Variants in NCOA6 observed in about 807,000 individuals in gnomAD.
The protein encoded by NCOA6 is nuclear receptor coactivator 6, also known as NRC RAP250.
Under a neutral mutation model 171.4 loss-of-function variants are expected in NCOA6, and 49 were observed. The ratio of observed to expected loss-of-function variants is 0.29; its 90% confidence interval spans 0.23 to 0.36. NCOA6 has a LOEUF of 0.36. Among genes scored for constraint, NCOA6 ranks in the 10% least tolerant of loss-of-function variants. The pLI, the probability that NCOA6 is intolerant of heterozygous loss-of-function variation, is 1.00. For synonymous variants in NCOA6, 910 were observed against 927.5 expected (o/e 0.98, Z 0.34); for missense variants, 2,248 against 2,554.5 (o/e 0.88, Z 2.59).
rs74850388 is a variant in NCOA6, at chr20:34,816,041, C to T, written c.-164+9431G>A. Among the ~76,000 whole-genome samples the T allele has an allele frequency of 4.1e-3, 626 of 152,274 alleles. 2 individuals are homozygous for T. The highest frequency in any genetic ancestry group is 0.014 in the African/African-American group (598 of 41,538). ...CATCCAGGGCCCCAAGAAAGTACGT[C>T]GGCTTCACTTCTCCACAACTCCTCA... On this transcript the variant is annotated intron_variant, in intron 1 of 14. Transcript: ENST00000359003.
chr20:34,732,622 T>C (rs144208866), intron 12 of NCOA6, 27 bp from the exon 13 acceptor site: 2 of 1,605,626 alleles, frequency 1.2e-6, no homozygotes, highest in African/African-American at 1.3e-5. Flanking sequence ...AGGATAGAAA[T>C]GAAATGTGGG....
intron 14 of NCOA6, among the ~76,000 whole-genome samples, chr20:34,720,003 T>C (rs1042517150): frequency 6.6e-6 from 1 of 152,240 alleles, no homozygotes; most frequent in Non-Finnish European, 1.5e-5. Context: ...ACCTACTTTG[T>C]TGTCAGAGGG....
intron 14 of NCOA6, among the ~76,000 whole-genome samples, chr20:34,724,389 G>A (rs1989720607): frequency 6.6e-6 from 1 of 152,164 alleles, no homozygotes; most frequent in South Asian, 2.1e-4. Context: ...GACATAACCT[G>A]CCAACAGCAG....
chr20:34,801,126 T>C (rs1156734115), intron 1 of NCOA6, among the ~76,000 whole-genome samples: 3 of 151,996 alleles, frequency 2.0e-5, no homozygotes, highest in African/African-American at 7.2e-5. Context: ...CATGAGGAAA[T>C]TAAGGAGGAA....
chr20:34,793,694 A>G (rs1482426164), intron 1 of NCOA6, among the ~76,000 whole-genome samples: 1 of 152,180 alleles, frequency 6.6e-6, no homozygotes, highest in African/African-American at 2.4e-5. Flanking sequence ...TCAATTCTGC[A>G]AAGCAAAAAA....
chr20:34,726,902 C>T (rs1340304558), intron 14 of NCOA6, among the ~76,000 whole-genome samples: 4 of 152,112 alleles, frequency 2.6e-5, no homozygotes, highest in Non-Finnish European at 5.9e-5. Context: ...CTGCAGTGAG[C>T]TGTGATTGTG....
intron 1 of NCOA6, among the ~76,000 whole-genome samples, chr20:34,800,463 C>A (rs890103819): frequency 3.2e-4 from 49 of 152,096 alleles, no homozygotes; most frequent in African/African-American, 1.1e-3. Context: ...GAAAACAAGA[C>A]CCAATGATCT....
chr20:34,818,390 T>C (rs964793334), intron 1 of NCOA6, among the ~76,000 whole-genome samples: 4 of 152,066 alleles, frequency 2.6e-5, no homozygotes, highest in Non-Finnish European at 5.9e-5. Flanking sequence ...AAAAAAACCC[T>C]ACCCAAAGAA....
At chr20:34,733,559 A>C (rs562241223) in intron 12 of NCOA6, among the ~76,000 whole-genome samples, 2 of 152,334 alleles carry the variant, frequency 1.3e-5, no homozygotes, top group African/African-American at 4.8e-5. Flanking sequence ...CACATTACCC[A>C]CTTCAAAGTT....
chr20:34,771,340 C>T (rs2077144890), intron 4 of NCOA6, among the ~76,000 whole-genome samples: 1 of 151,866 alleles, frequency 6.6e-6, no homozygotes, highest in African/African-American at 2.4e-5. Flanking sequence ...CACTATATTG[C>T]TCAGGCTGGT....
At chr20:34,772,224 G>A (rs1272695111) in intron 4 of NCOA6, among the ~76,000 whole-genome samples, 1 of 151,910 alleles carries the variant, frequency 6.6e-6, no homozygotes, top group Non-Finnish European at 1.5e-5. Context: ...TGAGATGGGA[G>A]GATTGCTTAA....
intron 4 of NCOA6, among the ~76,000 whole-genome samples, chr20:34,775,305 GGTGTGT>G (rs112658298): frequency 5.4e-5 from 8 of 148,250 alleles, no homozygotes; most frequent in African/African-American, 1.5e-4. Flanking sequence ...TAGGGGTGTA[GGTGTGT>G]GTGTGTGTGT....
chr20:34,722,684 G>GA (rs112692497), intron 14 of NCOA6, among the ~76,000 whole-genome samples: 2,816 of 90,442 alleles, frequency 0.031, 70 homozygotes, highest in African/African-American at 0.072. Flanking sequence ...TGTCTCAAAT[G>GA]AAAAAAAAAA....
chr20:34,775,136 A>C (rs1283593949), intron 4 of NCOA6, among the ~76,000 whole-genome samples: 1 of 152,204 alleles, frequency 6.6e-6, no homozygotes, highest in Non-Finnish European at 1.5e-5. Context: ...GAGAAGCTGG[A>C]ACACAGGGGG....
intron 2 of NCOA6, among the ~76,000 whole-genome samples, chr20:34,789,207 A>G (rs541817167): frequency 6.6e-6 from 1 of 152,384 alleles, no homozygotes; most frequent in East Asian, 1.9e-4. Context: ...AAAGTTAAGT[A>G]AATAGCAGTG....
Position 34,740,498 on chromosome 20 carries a change from T to G in NCOA6, c.5758A>C (p.Thr1920Pro). 6.2e-7 allele frequency: 1 copy of G among 1,613,812 alleles called. No individual in the cohort carries two copies. ...GAGATGAGCTCGGAGGGTACCAGAGTGGTTACTATCGAGCGTACACTGGTG... is the reference window on the plus strand; with the variant it reads ...GAGATGAGCTCGGAGGGTACCAGAGGGGTTACTATCGAGCGTACACTGGTG... Reference protein sequence around the residue: ...LPTSVRSIVTTLVPSELISAV... With the variant: ...LPTSVRSIVTPLVPSELISAV... Residue 1920 changes from threonine to proline, a missense_variant, in exon 11 of 15, where the codon ACT (threonine) becomes CCT (proline). Thr to Pro is a conservative substitution (Grantham distance 38). This residue lies in a region of NCOA6 where 884 missense variants were observed against 941.9 expected (regional missense o/e 0.94). Transcript: ENST00000359003.
chr20:34,740,732 C>A lies in NCOA6; in HGVS notation c.5524G>T (p.Gly1842Trp). ...CCATCTGCACCATATTGTTCTTCCC[C>A]TTTCTCAAGAGAGCCTGTAACTTTC... ...CKKVTGSLEK[G>W]EEQYGADGET... The change falls in exon 11 of 15, where the codon GGG becomes TGG. Residue 1842 changes from glycine (G) to tryptophan (W), a missense_variant. This residue lies in a region of NCOA6 where 884 missense variants were observed against 941.9 expected (regional missense o/e 0.94). Coordinates refer to ENST00000359003, the MANE Select transcript of NCOA6 (RefSeq NM_014071.5). 7 of 1,614,230 alleles carry A rather than the reference C, an allele frequency of 4.3e-6. No individual in the cohort carries two copies. The highest frequency in any genetic ancestry group is 5.9e-6 in the Non-Finnish European group (7 of 1,180,044).
At chr20:34,782,500 A>G (rs1328073640) in intron 2 of NCOA6, 96 bp from the exon 3 acceptor site, 1 of 327,578 alleles carries the variant, frequency 3.1e-6, no homozygotes, top group East Asian at 4.8e-5. Context: ...TTTATTTAAT[A>G]AGAAAATACT....
chr20:34,763,730 G>A (rs990020375), intron 5 of NCOA6, among the ~76,000 whole-genome samples: 9 of 152,178 alleles, frequency 5.9e-5, no homozygotes, highest in African/African-American at 1.9e-4. Context: ...CAAGAGGGTA[G>A]AGAAGACAAT....
Sources: allele counts gnomAD v4.1 joint callset (sites outside exome capture counted in the v4.1 genomes callset), GRCh38; gene constraint gnomAD v4.1.1; regional missense constraint gnomAD v4.1.1; transcripts MANE v1.5; gene names NCBI Gene and HGNC (gene_info 2026-07-23, HGNC 2026-07-21).